The following EMCN variants were observed in gnomAD, a reference collection of about 807,000 sequenced individuals.
EMCN encodes the protein endomucin, also known as MUC-14.
Under a neutral mutation model 38.4 loss-of-function variants are expected in EMCN, and 37 were observed. The observed-to-expected ratio is 0.96, with a 90% CI of 0.74 to 1.27. The LOEUF (loss-of-function observed/expected upper bound fraction) is 1.27. Among genes scored for constraint, EMCN ranks in the 50% most tolerant of loss-of-function variants. The pLI is 0.00. For missense variants in EMCN, 318 were observed against 302.8 expected, an observed-to-expected ratio of 1.05 and a Z score of -0.37; for synonymous variants, 95 against 100.8, an observed-to-expected ratio of 0.94 and a Z score of 0.35.
intron 1 of EMCN, among the ~76,000 whole-genome samples, chr4:100,488,909 C>T (rs1211569951): frequency 4.0e-5 from 6 of 151,224 alleles, no homozygotes; most frequent in Non-Finnish European, 7.4e-5. Flanking sequence ...TTTTTTTTGC[C>T]CTGAAAGGTT....
Position 100,465,424 on chromosome 4 carries a change from C to T in EMCN, c.375G>A (p.Lys125=). ...TTCAGCACAAATCCTCATACTTACT[C>T]TTGGGTTTGGAACTTTGTAATGTTG... The part of the protein sequence containing the change: ...AVSTLQSSKP[K]TETQSSIKTT... The change falls in exon 4 of 12, where the codon AAG becomes AAA. Residue 125 remains lysine (K), a splice_region_variant and synonymous_variant. Coordinates refer to ENST00000296420, the MANE Select transcript of EMCN (RefSeq NM_016242.4). 1 of 1,577,870 alleles carries T rather than the reference C, an allele frequency of 6.3e-7. No homozygotes were observed. Among genetic ancestry groups the T allele is most frequent in the Non-Finnish European group, 8.7e-7 (1 of 1,153,322 alleles).
intron 4 of EMCN, among the ~76,000 whole-genome samples, chr4:100,456,532 A>G (rs1004412386): frequency 6.6e-6 from 1 of 152,124 alleles, no homozygotes; most frequent in African/African-American, 2.4e-5. Flanking sequence ...TATTTTTGCT[A>G]TCATTCAGTT....
At chr4:100,412,997 T>G (rs1726608008) in intron 10 of EMCN, among the ~76,000 whole-genome samples, 1 of 152,156 alleles carries the variant, frequency 6.6e-6, no homozygotes, top group Admixed American at 6.5e-5. Flanking sequence ...TGGCATCCCT[T>G]GGCATTTTCC....
At chr4:100,500,677 C>T (rs1405045572) in intron 1 of EMCN, among the ~76,000 whole-genome samples, 1 of 151,686 alleles carries the variant, frequency 6.6e-6, no homozygotes, top group Non-Finnish European at 1.5e-5. Flanking sequence ...GTGTTTTGCC[C>T]AGTATATTTT....
intron 10 of EMCN, 112 bp downstream of exon 10, chr4:100,415,786 A>G: frequency 3.0e-6 from 2 of 660,908 alleles, no homozygotes; most frequent in South Asian, 1.9e-5. Context: ...GTAATTGGCT[A>G]TTTCTAAAGA....
chr4:100,474,739 C>T (rs556341866), intron 3 of EMCN, among the ~76,000 whole-genome samples: 32 of 152,212 alleles, frequency 2.1e-4, no homozygotes, highest in African/African-American at 6.7e-4. Flanking sequence ...GTGAGAGAAT[C>T]CAGACACAAA....
intron 1 of EMCN, among the ~76,000 whole-genome samples, chr4:100,485,718 A>C (rs1028279109): frequency 1.2e-4 from 19 of 152,104 alleles, no homozygotes; most frequent in African/African-American, 4.6e-4. Flanking sequence ...TTTGATTATT[A>C]ATTTCATATT....
chr4:100,401,770 G>A (rs1025430760), intron 11 of EMCN, among the ~76,000 whole-genome samples: 12 of 151,986 alleles, frequency 7.9e-5, no homozygotes, highest in Admixed American at 1.3e-4. Flanking sequence ...CCAAGCTACC[G>A]GACTTTCTAA....
intron 1 of EMCN, among the ~76,000 whole-genome samples, chr4:100,512,186 G>A (rs1034495617): frequency 5.7e-4 from 86 of 151,922 alleles, no homozygotes; most frequent in African/African-American, 1.8e-3. Context: ...ATGCTCATAC[G>A]GTGACTTCTT....
chr4:100,404,670 C>T (rs2110205583), intron 11 of EMCN, among the ~76,000 whole-genome samples: 1 of 152,144 alleles, frequency 6.6e-6, no homozygotes, highest in South Asian at 2.1e-4. Context: ...GTTCTTTTTG[C>T]TTAGCATTGC....
intron 11 of EMCN, among the ~76,000 whole-genome samples, chr4:100,408,274 A>G (rs1363760255): frequency 6.6e-6 from 1 of 152,174 alleles, no homozygotes; most frequent in African/African-American, 2.4e-5. Flanking sequence ...TAGTTCAGTC[A>G]TTTGGAGGTA....
chr4:100,424,277 A>G lies in EMCN; in HGVS notation c.416-873T>C, dbSNP rs3756034. On this transcript the variant is annotated intron_variant, in intron 5 of 11. Coordinates refer to ENST00000296420, the MANE Select transcript of EMCN (RefSeq NM_016242.4). ...AAATGTATTCTCTTCCTCGTGCAGT[A>G]TGAAGTGCTCTATTTAAATCATGCC... Among the ~76,000 whole-genome samples, 50 of 152,266 alleles carry G rather than the reference A, an allele frequency of 3.3e-4. 1 individual carries two copies. The East Asian group carries it at 9.5e-3, about 29-fold the overall frequency.
intron 5 of EMCN, among the ~76,000 whole-genome samples, chr4:100,440,656 A>T (rs563916963): frequency 6.6e-6 from 1 of 152,192 alleles, no homozygotes; most frequent in South Asian, 2.1e-4. Flanking sequence ...CACTTTATTT[A>T]TGCACTCATT....
At chr4:100,468,809 T>C (rs1360463699) in intron 3 of EMCN, among the ~76,000 whole-genome samples, 1 of 151,950 alleles carries the variant, frequency 6.6e-6, no homozygotes, top group Admixed American at 6.6e-5. Context: ...AAAATGTCCA[T>C]ATTACCCAAA....
chr4:100,427,231 G>A (rs1479392219), intron 5 of EMCN, among the ~76,000 whole-genome samples: 1 of 151,792 alleles, frequency 6.6e-6, no homozygotes, highest in South Asian at 2.1e-4. Context: ...TCGTCTCCTT[G>A]GTTGGTTCCT....
At chr4:100,405,967 C>A (rs907608413) in intron 11 of EMCN, among the ~76,000 whole-genome samples, 1 of 151,862 alleles carries the variant, frequency 6.6e-6, no homozygotes, top group African/African-American at 2.4e-5. Context: ...TTGTATTTTT[C>A]CAGGAATTTA....
chr4:100,510,022 C>T (rs1331090643), intron 1 of EMCN, among the ~76,000 whole-genome samples: 1 of 152,078 alleles, frequency 6.6e-6, no homozygotes, highest in African/African-American at 2.4e-5. Context: ...CATGCAGAAA[C>T]TGGGATTAAG....
chr4:100,420,836 A>T (rs1726867226), intron 8 of EMCN, among the ~76,000 whole-genome samples: 2 of 152,104 alleles, frequency 1.3e-5, no homozygotes, highest in East Asian at 1.9e-4. Context: ...GTCTTGGAAG[A>T]TACTTTCGTT....
At chr4:100,451,732 T>G (rs1269922507) in intron 4 of EMCN, among the ~76,000 whole-genome samples, 2 of 152,040 alleles carry the variant, frequency 1.3e-5, no homozygotes, top group African/African-American at 2.4e-5. Context: ...AGTCATTTAG[T>G]GTTTCTGAAC....
Sources: allele counts gnomAD v4.1 joint callset (sites outside exome capture counted in the v4.1 genomes callset), GRCh38; gene constraint gnomAD v4.1.1; transcripts MANE v1.5; gene names NCBI Gene and HGNC (gene_info 2026-07-23, HGNC 2026-07-21).